FGD5: variants seen among roughly 807,000 people sequenced by gnomAD.
FGD5 encodes the protein FYVE, RhoGEF and PH domain containing 5.
Under a neutral mutation model 133.4 loss-of-function variants are expected in FGD5, and 28 were observed. That is an observed-to-expected ratio of 0.21 (90% CI 0.16 to 0.29). The LOEUF (loss-of-function observed/expected upper bound fraction) is 0.29, where lower values mean the gene tolerates loss of function less well. FGD5 is among the 10% of genes least tolerant of loss of function. The pLI, the probability that FGD5 is intolerant of heterozygous loss-of-function variation, is 1.00. For synonymous variants in FGD5, 810 were observed against 776.5 expected, an observed-to-expected ratio of 1.04 and a Z score of -0.72; for missense variants, 1,858 against 1,895.2, an observed-to-expected ratio of 0.98 and a Z score of 0.36.
chr3:14,884,601 A>G (rs1297723488), intron 4 of FGD5, among the ~76,000 whole-genome samples: 2 of 152,228 alleles, frequency 1.3e-5, no homozygotes, highest in African/African-American at 2.4e-5. Flanking sequence ...ACTTAGTGGC[A>G]TAAGACAACC....
At chr3:14,923,319 G>T in intron 16 of FGD5, 144 bp downstream of exon 16, 1 of 1,131,862 alleles carries the variant, frequency 8.8e-7, no homozygotes, top group East Asian at 2.6e-5. Flanking sequence ...GGAAACAGAG[G>T]TTCGGGCACC....
intron 1 of FGD5, among the ~76,000 whole-genome samples, chr3:14,834,836 G>A (rs1047886301): frequency 6.6e-6 from 1 of 152,158 alleles, no homozygotes; most frequent in Admixed American, 6.5e-5. Context: ...TTTGTCCCTT[G>A]CCTTCTATTT....
chr3:14,888,212 A>G (rs1482686693), intron 4 of FGD5, among the ~76,000 whole-genome samples: 2 of 152,018 alleles, frequency 1.3e-5, no homozygotes, highest in Non-Finnish European at 2.9e-5. Context: ...CCTCAGAGAT[A>G]TTTACTTAAT....
intron 17 of FGD5, 47 bp from the exon 18 acceptor site, chr3:14,926,023 T>C: frequency 1.9e-6 from 3 of 1,608,278 alleles, no homozygotes; most frequent in Non-Finnish European, 2.5e-6. Context: ...GTTTGAACTG[T>C]GCCTGACCAC....
intron 18 of FGD5, 86 bp downstream of exon 18, chr3:14,926,284 C>CT: frequency 1.3e-6 from 2 of 1,551,620 alleles, no homozygotes; most frequent in Admixed American, 3.4e-5. Flanking sequence ...ACTTGCAAAG[C>CT]TGTGTGAGTC....
intron 4 of FGD5, 98 bp from the exon 5 acceptor site, chr3:14,897,411 A>T: frequency 7.0e-7 from 1 of 1,423,266 alleles, no homozygotes; most frequent in Non-Finnish European, 9.6e-7. Context: ...TGCTGTCTTC[A>T]CAGAGGCCAG....
chr3:14,814,509 C>T (rs149479002), upstream of FGD5, among the ~76,000 whole-genome samples: 1 of 152,108 alleles, frequency 6.6e-6, no homozygotes, highest in Admixed American at 6.5e-5. Context: ...GGGGACAGAG[C>T]TGGATGCTCT....
intron 1 of FGD5, among the ~76,000 whole-genome samples, chr3:14,854,749 A>T (rs2037243417): frequency 1.3e-5 from 2 of 152,156 alleles, no homozygotes; most frequent in South Asian, 4.1e-4. Context: ...GACAAATAAT[A>T]ATTGTACATA....
intron 13 of FGD5, among the ~76,000 whole-genome samples, chr3:14,919,946 G>GA (rs1401427484): frequency 2.0e-5 from 3 of 152,194 alleles, no homozygotes; most frequent in Non-Finnish European, 4.4e-5. Context: ...TTCTGCATTT[G>GA]AATTTGGGGG....
chr3:14,918,478 G>T (rs542295850), intron 12 of FGD5, among the ~76,000 whole-genome samples: 175 of 152,348 alleles, frequency 1.1e-3, no homozygotes, highest in African/African-American at 4.0e-3. Flanking sequence ...TCACTGGCAG[G>T]TACTTGTCCA....
At chr3:14,851,549 A>G (rs1042160345) in intron 1 of FGD5, among the ~76,000 whole-genome samples, 58 of 152,380 alleles carry the variant, frequency 3.8e-4, no homozygotes, top group East Asian at 3.1e-3. Flanking sequence ...CTCTGCTGCC[A>G]GCATCACTAC....
intron 4 of FGD5, among the ~76,000 whole-genome samples, chr3:14,896,546 C>G (rs1261053799): frequency 6.6e-6 from 1 of 152,062 alleles, no homozygotes; most frequent in East Asian, 1.9e-4. Context: ...TCTCGGCTCA[C>G]TGCACCCTCT....
rs747829664 is a variant in FGD5, at chr3:14,860,324, C to G, written c.2526-3804C>G. ...TTCCTTTAAGTGTTGAGAGCCTAAA[C>G]GTCTTTCACTTTCCTGAAGGCAGGA... On this transcript the variant is annotated intron_variant, in intron 1 of 19. Coordinates refer to ENST00000285046, the MANE Select transcript of FGD5 (RefSeq NM_152536.4). 2.6e-5 allele frequency among the ~76,000 whole-genome samples: 4 copies of G among 152,246 alleles called. No individual in the cohort carries two copies. In the East Asian group the frequency reaches 7.7e-4, roughly 29 times the overall value.
At chr3:14,857,708 C>A (rs1428982225) in intron 1 of FGD5, among the ~76,000 whole-genome samples, 1 of 152,172 alleles carries the variant, frequency 6.6e-6, no homozygotes, top group African/African-American at 2.4e-5. Context: ...AAGATACCAG[C>A]TGATGGAAGG....
chr3:14,811,350 C>G (rs1416479355), intron 1 of FGD5: 3 of 152,320 alleles, frequency 2.0e-5, no homozygotes, highest in Non-Finnish European at 4.4e-5. Context: ...CTTCAGTACT[C>G]GGCATACCGG....
intron 1 of FGD5, among the ~76,000 whole-genome samples, chr3:14,826,769 C>G (rs912678820): frequency 6.6e-6 from 1 of 152,160 alleles, no homozygotes; most frequent in Non-Finnish European, 1.5e-5. Context: ...CTGTCTGTCT[C>G]TCTCACACAC....
chr3:14,886,603 A>G (rs1288561475), intron 4 of FGD5, among the ~76,000 whole-genome samples: 1 of 152,106 alleles, frequency 6.6e-6, no homozygotes, highest in Non-Finnish European at 1.5e-5. Context: ...AGGGTGACAC[A>G]CTGTAGGTGT....
chr3:14,891,686 A>G (rs534693649), intron 4 of FGD5, among the ~76,000 whole-genome samples: 1 of 152,322 alleles, frequency 6.6e-6, no homozygotes, highest in Admixed American at 6.5e-5. Flanking sequence ...GCAGGCTATC[A>G]GCAGGAGGTG....
At chr3:14,864,402 C>T in intron 2 of FGD5, 142 bp downstream of exon 2, 1 of 1,330,764 alleles carries the variant, frequency 7.5e-7, no homozygotes. Flanking sequence ...CTGAGACACG[C>T]AGCATCAGGG....
Sources: gnomAD v4.1 joint callset for allele counts (sites outside exome capture counted in the v4.1 genomes callset) on GRCh38, gnomAD v4.1.1 for gene constraint, MANE v1.5 for transcripts, NCBI Gene and HGNC (gene_info 2026-07-23, HGNC 2026-07-21) for gene names.